Variants in SLC8A1 observed in about 807,000 individuals in gnomAD.
The protein encoded by SLC8A1 is sodium/calcium exchanger 1.
Under a neutral mutation model 68.3 loss-of-function variants are expected in SLC8A1, and 18 were observed. The ratio of observed to expected loss-of-function variants is 0.26; its 90% CI spans 0.18 to 0.39. The LOEUF (loss-of-function observed/expected upper bound fraction) is 0.39. Among genes scored for constraint, SLC8A1 ranks in the 10% least tolerant of loss-of-function variants. The pLI, the probability that SLC8A1 is intolerant of heterozygous loss-of-function variation, is 1.00. For synonymous variants in SLC8A1, 475 were observed against 415.5 expected, an observed-to-expected ratio of 1.14 and a Z score of -1.74; for missense variants, 985 against 1,156.7, an observed-to-expected ratio of 0.85 and a Z score of 2.15.
chr2:40,265,420 T>C (rs2065241701), intron 2 of SLC8A1, among the ~76,000 whole-genome samples: 2 of 152,160 alleles, frequency 1.3e-5, no homozygotes, highest in African/African-American at 2.4e-5. Context: ...TCGAAGAAAA[T>C]GGACTTTTCT....
At chr2:40,266,377 G>T (rs1368310027) in intron 2 of SLC8A1, among the ~76,000 whole-genome samples, 1 of 152,038 alleles carries the variant, frequency 6.6e-6, no homozygotes, top group Admixed American at 6.6e-5. Flanking sequence ...CTAGTTTAGG[G>T]CCCACAATAA....
At chr2:40,268,092 T>C (rs2065582991) in intron 2 of SLC8A1, among the ~76,000 whole-genome samples, 1 of 152,200 alleles carries the variant, frequency 6.6e-6, no homozygotes, top group South Asian at 2.1e-4. Flanking sequence ...ATTCTTTTAA[T>C]AAAATGAGTA....
chr2:40,121,216 A>G (rs934723510), intron 7 of SLC8A1, among the ~76,000 whole-genome samples: 1 of 152,212 alleles, frequency 6.6e-6, no homozygotes, highest in Non-Finnish European at 1.5e-5. Context: ...GACGGGATAC[A>G]GAAATACACC....
At chr2:40,317,475 A>G (rs2074618638) in intron 2 of SLC8A1, among the ~76,000 whole-genome samples, 1 of 152,126 alleles carries the variant, frequency 6.6e-6, no homozygotes, top group African/African-American at 2.4e-5. Flanking sequence ...TTATTAGAGA[A>G]AACTTGCAAC....
At chr2:40,118,607 GTTTTTTTTTTT>G (rs67851517) in intron 7 of SLC8A1, 30 of 74,720 alleles carry the variant, frequency 4.0e-4, no homozygotes, top group South Asian at 8.1e-4. Flanking sequence ...AAAAAAGGAA[GTTTTTTTTTTT>G]TTTTTTTTTT....
At chr2:40,290,943 T>C (rs555053274) in intron 2 of SLC8A1, among the ~76,000 whole-genome samples, 17 of 152,302 alleles carry the variant, frequency 1.1e-4, no homozygotes, top group African/African-American at 4.1e-4. Context: ...GATGAAAAGG[T>C]TTATGCCTAT....
chr2:40,470,000 A>AT (rs2149901608), intron 1 of SLC8A1, among the ~76,000 whole-genome samples: 1 of 152,220 alleles, frequency 6.6e-6, no homozygotes, highest in South Asian at 2.1e-4. Context: ...ATTAACTGGG[A>AT]TTTTTAAAAT....
chr2:40,428,987 T>G (rs1206683781), exon 2 of SLC8A1: 1 of 1,613,854 alleles, frequency 6.2e-7, no homozygotes, highest in South Asian at 1.1e-5. Flanking sequence ...TCACCACCTC[T>G]GCGGATAATG....
At chr2:40,253,239 GTATA>G (rs2063267468) in intron 2 of SLC8A1, among the ~76,000 whole-genome samples, 1 of 147,646 alleles carries the variant, frequency 6.8e-6, no homozygotes, top group Admixed American at 6.8e-5. Context: ...ATACATGTGC[GTATA>G]TACACATATG....
intron 2 of SLC8A1, among the ~76,000 whole-genome samples, chr2:40,318,103 T>C (rs958904223): frequency 1.3e-5 from 2 of 152,104 alleles, no homozygotes; most frequent in Non-Finnish European, 2.9e-5. Flanking sequence ...TAATTATTTT[T>C]CTTTCTCTCT....
chr2:40,134,794 T>C (rs1223463491), intron 7 of SLC8A1, among the ~76,000 whole-genome samples: 2 of 152,180 alleles, frequency 1.3e-5, no homozygotes, highest in Admixed American at 6.5e-5. Flanking sequence ...AGATACACAA[T>C]TGCATTACTT....
chr2:40,430,066 C>G (rs772335407), exon 2 of SLC8A1: 1 of 1,613,626 alleles, frequency 6.2e-7, no homozygotes, highest in African/African-American at 1.3e-5. Flanking sequence ...AATTTTGTCC[C>G]CAAAAGAAGG....
At chr2:40,340,722 C>A (rs1462285705) in intron 2 of SLC8A1, among the ~76,000 whole-genome samples, 1 of 152,150 alleles carries the variant, frequency 6.6e-6, no homozygotes, top group Non-Finnish European at 1.5e-5. Context: ...ATTCTTGAGA[C>A]TGGCCTGGGC....
chr2:40,162,768 C>G (rs2045905910), intron 5 of SLC8A1, among the ~76,000 whole-genome samples: 1 of 152,082 alleles, frequency 6.6e-6, no homozygotes, highest in African/African-American at 2.4e-5. Flanking sequence ...TTTCACTGCA[C>G]TAGATTTTCA....
chr2:40,150,319 C>T (rs1035188813), intron 6 of SLC8A1, among the ~76,000 whole-genome samples: 5 of 152,154 alleles, frequency 3.3e-5, no homozygotes, highest in African/African-American at 9.7e-5. Context: ...GTAATGCTGC[C>T]AGTCACTTTT....
chr2:40,491,016 G>A (rs1445127914), intron 1 of SLC8A1, among the ~76,000 whole-genome samples: 3 of 152,054 alleles, frequency 2.0e-5, no homozygotes, highest in African/African-American at 4.8e-5. Flanking sequence ...ACGTAAGAAT[G>A]TTAAAACCAA....
At chr2:40,402,719 C>G (rs1208906329) in intron 2 of SLC8A1, among the ~76,000 whole-genome samples, 1 of 152,164 alleles carries the variant, frequency 6.6e-6, no homozygotes, top group Non-Finnish European at 1.5e-5. Flanking sequence ...CTCTTCACCA[C>G]GTCTTTCTGC....
At chr2:40,335,814 G>A (rs1270721967) in intron 2 of SLC8A1, among the ~76,000 whole-genome samples, 1 of 152,222 alleles carries the variant, frequency 6.6e-6, no homozygotes, top group Non-Finnish European at 1.5e-5. Context: ...GGCTCTATGT[G>A]AATACAGGCT....
chr2:40,386,343 G>T (rs1307000763), intron 2 of SLC8A1, among the ~76,000 whole-genome samples: 3 of 150,924 alleles, frequency 2.0e-5, no homozygotes, highest in Non-Finnish European at 4.4e-5. Flanking sequence ...ATATAACAGA[G>T]CAATAGAAGT....
Sources: allele counts gnomAD v4.1 joint callset (sites outside exome capture counted in the v4.1 genomes callset), GRCh38; gene constraint gnomAD v4.1.1; transcripts MANE v1.5; gene names NCBI Gene and HGNC (gene_info 2026-07-23, HGNC 2026-07-21).